ZNF551: variants seen among roughly 807,000 people sequenced by gnomAD.
ZNF551 encodes zinc finger protein 551.
A neutral mutation model predicts 7.9 loss-of-function variants in ZNF551; 5 were observed. That is an observed-to-expected ratio of 0.63 (90% CI 0.33 to 1.33). The LOEUF is 1.33. Among genes scored for constraint, ZNF551 ranks in the 40% most tolerant of loss-of-function variants. ZNF551 has a pLI of 0.05. For synonymous variants in ZNF551, 287 were observed against 277.3 expected, an observed-to-expected ratio of 1.03 and a Z score of -0.35; for missense variants, 788 against 825.2, an observed-to-expected ratio of 0.95 and a Z score of 0.55.
chr19:57,683,119 C>G (rs955572723), intron 1 of ZNF551, among the ~76,000 whole-genome samples: 3 of 152,028 alleles, frequency 2.0e-5, no homozygotes, highest in South Asian at 2.1e-4. Flanking sequence ...GGGAGGTGAT[C>G]TGGTTCTGGT....
At position 57,687,165 on chromosome 19, in the gene ZNF551, A is replaced by T; in HGVS notation, c.890A>T (p.His297Leu). The T allele has an allele frequency of 6.2e-7, 1 of 1,614,266 alleles. No individual in the cohort carries two copies. Among genetic ancestry groups the T allele is most frequent in the East Asian group, 2.2e-5 (1 of 44,886 alleles). ...SFSKKCHLIL[H>L]KIIHTGERPY... ...AGCAAAAAGTGCCACCTAATCTTAC[A>T]CAAGATAATTCACACTGGAGAAAGG... is the stretch of plus-strand genomic sequence containing the variant. Residue 297 changes from histidine to leucine, a missense_variant, in exon 3 of 3, where the codon CAC becomes CTC. Transcript: ENST00000282296.
At chr19:57,684,692 T>TG (rs1984497776) in intron 1 of ZNF551, among the ~76,000 whole-genome samples, 1 of 152,020 alleles carries the variant, frequency 6.6e-6, no homozygotes, top group African/African-American at 2.4e-5. Context: ...GCAGCAGGGA[T>TG]GAATTTGGGG....
In ZNF551 at chr19:57,688,107, G is replaced by A. The variant is rs765361537; in HGVS notation, c.1832G>A (p.Gly611Glu). The A allele has an allele frequency of 6.2e-7, 1 of 1,613,916 alleles. No individual in the cohort carries two copies. Among genetic ancestry groups the A allele is most frequent in the South Asian group, 1.1e-5 (1 of 91,052 alleles). ...SLIQHQRGHT[G>E]ERPYECSQCG... The stretch of plus-strand genomic sequence containing the variant: ...ATTCAACACCAGAGAGGTCACACTG[G>A]AGAAAGACCTTATGAGTGCAGTCAA... Residue 611 changes from glycine (G) to glutamate (E), a missense_variant, in exon 3 of 3, where the codon GGA becomes GAA. Gly to Glu is a moderately conservative substitution (Grantham distance 98). Transcript: ENST00000282296.
At chr19:57,685,233 C>A (rs112664679) in intron 1 of ZNF551, 29 bp from the exon 2 acceptor site, 8 of 1,611,404 alleles carry the variant, frequency 5.0e-6, no homozygotes, top group African/African-American at 2.7e-5. Flanking sequence ...CGGGTCTGAT[C>A]GTGGATTGAA....
chr19:57,687,456 G>T lies in ZNF551; in HGVS notation c.1181G>T (p.Cys394Phe), dbSNP rs751289630. 11 of 1,614,188 alleles carry T rather than the reference G, an allele frequency of 6.8e-6. No individual in the cohort carries two copies. The highest frequency in any genetic ancestry group is 9.3e-6 in the Non-Finnish European group (11 of 1,180,032). Residue 394 changes from cysteine to phenylalanine, a missense_variant, in exon 3 of 3, where the codon TGT (cysteine) becomes TTT (phenylalanine). Cys to Phe is a radical substitution (Grantham distance 205). Transcript: ENST00000282296. ...TCTGGAGAAAGGCCTTATCAGTGCT[G>T]TGAGTGTGGGAAATCCTTTAGACAA... ...VHSGERPYQC[C>F]ECGKSFRQIF...
Position 57,682,217 on chromosome 19 carries a change from G to T in ZNF551, c.54G>T (p.Ala18=). Residue 18 remains alanine, a synonymous_variant, in exon 1 of 3, where the codon GCG becomes GCT. Transcript: ENST00000282296. ...RSPPSPRSSM[A]AVALRDSAQG... is the part of the protein sequence containing the mutation. ...CGCCTAGTCCACGGAGCTCAATGGC[G>T]GCAGTCGCGCTGAGGGACTCGGCTC... The T allele has an allele frequency of 6.4e-7, 1 of 1,550,474 alleles. No homozygotes were observed. The highest frequency in any genetic ancestry group is 8.7e-7 in the Non-Finnish European group (1 of 1,146,946).
Position 57,688,380 on chromosome 19 carries a change from C to A in ZNF551, c.*92C>A. On this transcript the variant is annotated 3_prime_UTR_variant, in exon 3 of 3. Transcript: ENST00000282296. ...TTCGTAAATTTAAACTTTGAGCACC[C>A]ACAGTGGGGTATTCTTCATAAGTTT... The A allele has an allele frequency of 6.7e-7, 1 of 1,495,704 alleles. No homozygotes were observed. Among genetic ancestry groups the A allele is most frequent in the Non-Finnish European group, 9.0e-7 (1 of 1,109,416 alleles). The allele number at this position is 1,495,704 out of a possible 1,614,324, so 92.7% of individuals were successfully genotyped here. A position where few individuals can be genotyped will look rare whatever the true frequency, so the allele number is the denominator to read the frequency against.
Position 57,686,862 on chromosome 19 carries a change from A to G in ZNF551, c.587A>G (p.His196Arg), listed in dbSNP as rs756630265. The change falls in exon 3 of 3, where the codon CAC (histidine) becomes CGC (arginine). Residue 196 changes from histidine (H) to arginine (R), a missense_variant. Physicochemically the swap from His to Arg is conservative, Grantham distance 29. Transcript: ENST00000282296. The stretch of plus-strand genomic sequence containing the variant: ...CCAGCCCCCACGGACCTACTCCAAC[A>G]CGAAGCCACTCCCAGTGGTGAGGAG... ...AFPAPTDLLQHEATPSGEEPH... is the reference protein window; with the variant it reads ...AFPAPTDLLQREATPSGEEPH... 2.4e-5 allele frequency: 39 copies of G among 1,614,072 alleles called. 3 individuals are homozygous for G. In the Middle Eastern group the frequency reaches 4.9e-4, roughly 20 times the overall value.
intron 1 of ZNF551, among the ~76,000 whole-genome samples, chr19:57,684,031 A>G (rs987834153): frequency 1.3e-5 from 2 of 152,008 alleles, no homozygotes; most frequent in Non-Finnish European, 2.9e-5. Context: ...TGGTAGTTGG[A>G]GAGAGGAAGG....
chr19:57,686,994 A>G lies in ZNF551; in HGVS notation c.719A>G (p.Gln240Arg), dbSNP rs1235583349. The change falls in exon 3 of 3, where the codon CAG becomes CGG. Residue 240 changes from glutamine (Q) to arginine (R), a missense_variant. Physicochemically the swap from Gln to Arg is conservative, Grantham distance 43. Coordinates refer to ENST00000282296, the MANE Select transcript of ZNF551 (RefSeq NM_138347.5). Reference sequence around the variant, plus strand: ...TCAAGCCACAAACACACACTTGTTCAGCATCAGAGTGTCTGTTCTGAAGGA... The same window carrying G: ...TCAAGCCACAAACACACACTTGTTCGGCATCAGAGTGTCTGTTCTGAAGGA... ...KASSHKHTLV[Q>R]HQSVCSEGGL... 2 of 1,614,244 alleles carry G rather than the reference A, an allele frequency of 1.2e-6. No homozygotes were observed. The highest frequency in any genetic ancestry group is 1.7e-6 in the Non-Finnish European group (2 of 1,180,050).
rs1261593386 is a variant in ZNF551, at chr19:57,689,881, A to G, written c.*1593A>G. The stretch of plus-strand genomic sequence containing the variant: ...GGCTGTTCACCTCAAGGCCATTGCT[A>G]TGCAGGTAGGAGAACAAGAATAGAG... On this transcript the variant is annotated 3_prime_UTR_variant, in exon 3 of 3. Coordinates refer to ENST00000282296, the MANE Select transcript of ZNF551 (RefSeq NM_138347.5). The G allele has an allele frequency of 6.6e-6, 1 of 152,078 alleles. No individual in the cohort carries two copies. Among genetic ancestry groups the G allele is most frequent in the African/African-American group, 2.4e-5 (1 of 41,392 alleles). 9.4% of individuals were successfully genotyped at this position (152,078 alleles called of 1,614,324 possible).
intron 1 of ZNF551, 104 bp downstream of exon 1, chr19:57,682,348 C>G: frequency 7.9e-7 from 1 of 1,269,900 alleles, no homozygotes; most frequent in Middle Eastern, 2.5e-4. Flanking sequence ...CCCCAGTACC[C>G]TGGACAAGAA....
At chr19:57,682,352 A>T (rs915830372) in intron 1 of ZNF551, 108 bp downstream of exon 1, 2 of 1,212,610 alleles carry the variant, frequency 1.6e-6, no homozygotes, top group Non-Finnish European at 2.3e-6. Context: ...AGTACCCTGG[A>T]CAAGAAGGCG....
At chr19:57,685,729 T>C (rs1277147962) in intron 2 of ZNF551, among the ~76,000 whole-genome samples, 2 of 151,674 alleles carry the variant, frequency 1.3e-5, no homozygotes, top group Non-Finnish European at 2.9e-5. Context: ...CATTCATGTG[T>C]TATGTGGTAG....
Position 57,687,577 on chromosome 19 carries a change from CATT to C in ZNF551, c.1303_1305del (p.Ile435del). On this transcript the variant is annotated inframe_deletion, in exon 3 of 3. Coordinates refer to ENST00000282296, the MANE Select transcript of ZNF551 (RefSeq NM_138347.5). ...AATCTTTTAGCTGCAAATCGGAACT[CATT>C]CAACACCAGAGAATTCACAGTGGAG... 6.2e-7 allele frequency: 1 copy of C among 1,614,178 alleles called. No homozygotes were observed. The highest frequency in any genetic ancestry group is 8.5e-7 in the Non-Finnish European group (1 of 1,180,030).
chr19:57,686,693 G>C lies in ZNF551; in HGVS notation c.418G>C (p.Gly140Arg). 6.2e-7 allele frequency: 1 copy of C among 1,614,198 alleles called. No homozygotes were observed. Among genetic ancestry groups the C allele is most frequent in the Non-Finnish European group, 8.5e-7 (1 of 1,180,050 alleles). ...KSYLGSTSMR[G>R]FCFSADLHQH... ...ATACTTGGGTAGCACAAGCATGAGA[G>C]GCTTCTGCTTCAGTGCTGACCTTCA... Residue 140 changes from glycine to arginine, a missense_variant, in exon 3 of 3, where the codon GGC (glycine) becomes CGC (arginine). Physicochemically the swap from Gly to Arg is moderately radical, Grantham distance 125 (BLOSUM62 -2). Transcript: ENST00000282296.
At position 57,686,894 on chromosome 19, in the gene ZNF551, A is replaced by G. The variant is rs1351581351; in HGVS notation, c.619A>G (p.Ser207Gly). ...EATPSGEEPH[S>G]SSSKHIQAFF... ...CACTCCCAGTGGTGAGGAGCCACAC[A>G]GTAGCAGCAGCAAGCATATACAGGC... The change falls in exon 3 of 3, where the codon AGT becomes GGT. Residue 207 changes from serine (S) to glycine (G), a missense_variant. By Grantham distance (56) the Ser-to-Gly change is moderately conservative. Transcript: ENST00000282296. The G allele has an allele frequency of 1.9e-6, 3 of 1,614,120 alleles. No individual in the cohort carries two copies. The highest frequency in any genetic ancestry group is 1.3e-5 in the African/African-American group (1 of 74,942).
At chr19:57,685,193 G>T in intron 1 of ZNF551, 69 bp from the exon 2 acceptor site, 1 of 1,586,426 alleles carries the variant, frequency 6.3e-7, no homozygotes, top group South Asian at 1.2e-5. Context: ...ACCTGGGGAT[G>T]GATGTTGGGG....
rs1984723417 is a variant in ZNF551 at position 57,690,385 on chromosome 19, AC to A, written c.*2098del. ...TACTGAGATACATACACACACACACACACACACACACACACACGTATACGCA... is the reference window on the plus strand; with the variant it reads ...TACTGAGATACATACACACACACACAACACACACACACACACGTATACGCA... On this transcript the variant is annotated 3_prime_UTR_variant, in exon 3 of 3. Transcript: ENST00000282296. The A allele has an allele frequency of 2.0e-5, 3 of 151,742 alleles. No homozygotes were observed. The highest frequency in any genetic ancestry group is 7.3e-5 in the African/African-American group (3 of 41,234). 9.4% of individuals were successfully genotyped at this position (151,742 alleles called of 1,614,324 possible). A position where few individuals can be genotyped will look rare whatever the true frequency, so the allele number is the denominator to read the frequency against.
Sources: gnomAD v4.1 joint callset for allele counts (sites outside exome capture counted in the v4.1 genomes callset) on GRCh38, gnomAD v4.1.1 for gene constraint, MANE v1.5 for transcripts, NCBI Gene and HGNC (gene_info 2026-07-23, HGNC 2026-07-21) for gene names.